Variants in PRDM16 observed in about 807,000 individuals in gnomAD.
PRDM16 encodes the protein histone-lysine N-methyltransferase PRDM16.
In PRDM16, 23 loss-of-function variants were observed where a neutral mutation model predicts 110.6. The ratio of observed to expected loss-of-function variants is 0.21; its 90% CI spans 0.15 to 0.29. PRDM16 has a LOEUF of 0.29. Among genes scored for constraint, PRDM16 ranks in the 10% least tolerant of loss-of-function variants. PRDM16 has a pLI of 1.00. For missense variants in PRDM16, 1,615 were observed against 1,794.3 expected (o/e 0.90, Z 1.81); for synonymous variants, 799 against 781.8 (o/e 1.02, Z -0.37).
chr1:3,370,823 A>G lies in PRDM16; in HGVS notation c.439-14329A>G, dbSNP rs951242092. ...CATCCACTCATTTATTAATCCATCCACCATCTATTCATCCATCCGTCCACC... is the reference window on the plus strand; with the variant it reads ...CATCCACTCATTTATTAATCCATCCGCCATCTATTCATCCATCCGTCCACC... On this transcript the variant is annotated intron_variant, in intron 3 of 16. Transcript: ENST00000270722. This position sits in a 1 kb window ranked among gnomAD's most constrained non-coding sequence, Gnocchi z 4.8. Among the ~76,000 whole-genome samples the G allele has an allele frequency of 2.6e-5, 4 of 151,966 alleles. No homozygotes were observed. The highest frequency in any genetic ancestry group is 5.9e-5 in the Non-Finnish European group (4 of 67,978).
intron 3 of PRDM16, among the ~76,000 whole-genome samples, chr1:3,364,483 C>G (rs888342690): frequency 6.6e-6 from 1 of 152,214 alleles, no homozygotes; most frequent in East Asian, 1.9e-4. Flanking sequence ...GACAAGCCCC[C>G]GGAGGATGGC....
intron 1 of PRDM16, among the ~76,000 whole-genome samples, chr1:3,153,784 GAAGCGTGGAACGCA>G (rs1331588436): frequency 6.6e-6 from 1 of 152,246 alleles, no homozygotes; most frequent in African/African-American, 2.4e-5. Context: ...GCACCATTGA[GAAGCGTGGAACGCA>G]AAGTAATATA....
intron 3 of PRDM16, among the ~76,000 whole-genome samples, chr1:3,313,805 G>C (rs1641525941): frequency 6.6e-6 from 1 of 152,208 alleles, no homozygotes; most frequent in Non-Finnish European, 1.5e-5. Context: ...CAGCCTAGAG[G>C]CCTCACTCCT....
At chr1:3,200,676 G>A (rs576788676) in intron 2 of PRDM16, among the ~76,000 whole-genome samples, 17 of 152,314 alleles carry the variant, frequency 1.1e-4, no homozygotes, top group African/African-American at 4.1e-4. Context: ...GGAGTCCTGC[G>A]TGGGATCTGA....
At chr1:3,386,770 G>A (rs1451475593) in intron 4 of PRDM16, 4 of 152,224 alleles carry the variant, frequency 2.6e-5, no homozygotes, top group Non-Finnish European at 5.9e-5. Context: ...TGCAGAGTGT[G>A]TCCTTAGTCG....
In PRDM16 at chr1:3,435,675, C is replaced by A; in HGVS notation, c.*1864C>A. The A allele has an allele frequency of 4.3e-6, 1 of 232,622 alleles. No homozygotes were observed. The highest frequency in any genetic ancestry group is 6.1e-5 in the East Asian group (1 of 16,506). 14.4% of individuals were successfully genotyped at this position (232,622 alleles called of 1,614,324 possible). On this transcript the variant is annotated 3_prime_UTR_variant, in exon 17 of 17. Transcript: ENST00000270722. ...GGTTTGTGTCACGTGTGGACATCTC[C>A]TCAGGCTTTGTGTCACGCGTGGACA... is the stretch of plus-strand genomic sequence containing the variant.
At chr1:3,223,886 C>T (rs1185654452) in intron 2 of PRDM16, among the ~76,000 whole-genome samples, 2 of 152,298 alleles carry the variant, frequency 1.3e-5, no homozygotes, top group African/African-American at 2.4e-5. Context: ...CTTTAAACAC[C>T]GTGAGCAGAT....
intron 3 of PRDM16, among the ~76,000 whole-genome samples, chr1:3,317,634 C>G (rs751605800): frequency 5.7e-4 from 87 of 152,372 alleles, no homozygotes; most frequent in Non-Finnish European, 9.6e-4. Context: ...GGCCTCTGAG[C>G]GGCCCTGGCC....
Position 3,245,701 on chromosome 1 carries a change from C to T in PRDM16, c.438+1564C>T, listed in dbSNP as rs183896413. ...AGGGCTGGTCTTTTCCACTTTCCCT[C>T]TTTCTCCTTTCCTGCCTCTTTAAAT... On this transcript the variant is annotated intron_variant, in intron 3 of 16. Coordinates refer to ENST00000270722, the MANE Select transcript of PRDM16 (RefSeq NM_022114.4). This position sits in a 1 kb window ranked among gnomAD's most constrained non-coding sequence, Gnocchi z 4.7. Among the ~76,000 whole-genome samples the T allele has an allele frequency of 7.2e-5, 11 of 151,950 alleles. No homozygotes were observed. The highest frequency in any genetic ancestry group is 6.5e-4 in the Admixed American group (10 of 15,270).
At position 3,221,541 on chromosome 1, in the gene PRDM16, G is replaced by A. The variant is rs114274969; in HGVS notation, c.388-22546G>A. On this transcript the variant is annotated intron_variant, in intron 2 of 16. Transcript: ENST00000270722. Reference sequence around the variant, plus strand: ...TAGTCAAAATAAAGCATTGCTGGTCGGGCCAGCAGTCACAGAGAAGTCTGG... The same window carrying A: ...TAGTCAAAATAAAGCATTGCTGGTCAGGCCAGCAGTCACAGAGAAGTCTGG... Among the ~76,000 whole-genome samples the A allele has an allele frequency of 4.2e-3, 634 of 152,314 alleles. 4 individuals are homozygous for A. The highest frequency in any genetic ancestry group is 7.3e-3 in the South Asian group (35 of 4,826).
intron 1 of PRDM16, among the ~76,000 whole-genome samples, chr1:3,139,303 G>T (rs905752274): frequency 6.6e-6 from 1 of 152,190 alleles, no homozygotes; most frequent in Admixed American, 6.5e-5. Flanking sequence ...TCCTGGAGCC[G>T]AGCCGTGCAG....
chr1:3,196,311 C>T (rs1638476048), intron 2 of PRDM16, among the ~76,000 whole-genome samples: 1 of 152,258 alleles, frequency 6.6e-6, no homozygotes, highest in Non-Finnish European at 1.5e-5. Context: ...CTGCAGGTCC[C>T]TGACCCAGCC....
chr1:3,375,337 A>G (rs1465134029), intron 3 of PRDM16, among the ~76,000 whole-genome samples: 2 of 152,212 alleles, frequency 1.3e-5, no homozygotes, highest in African/African-American at 2.4e-5. Flanking sequence ...CGCACTGCCA[A>G]TCACCTCTAG....
rs111922473 is a variant in PRDM16 at position 3,426,064 on chromosome 1, C to A, written c.3123C>A (p.Pro1041=). 1 of 1,613,414 alleles carries A rather than the reference C, an allele frequency of 6.2e-7. No homozygotes were observed. Among genetic ancestry groups the A allele is most frequent in the Admixed American group, 1.7e-5 (1 of 59,992 alleles). ...EHENAPVSQH[P]GVLTNHLGTS... is the part of the protein sequence containing the mutation. ...GCCCCTCCGCAGTGAGCCAGCACCC[C>A]GGGGTCCTCACGAACCACCTGGGGA... The change falls in exon 14 of 17, where the codon CCC becomes CCA. Residue 1041 remains proline (P), a synonymous_variant. Coordinates refer to ENST00000270722, the MANE Select transcript of PRDM16 (RefSeq NM_022114.4).
intron 4 of PRDM16, among the ~76,000 whole-genome samples, chr1:3,389,642 T>C (rs1488501726): frequency 6.6e-6 from 1 of 152,222 alleles, no homozygotes. Context: ...CTTGTGGTTT[T>C]CTATTTGCAC....
chr1:3,313,948 CAGTT>C (rs1355198538), intron 3 of PRDM16, among the ~76,000 whole-genome samples: 1 of 152,134 alleles, frequency 6.6e-6, no homozygotes, highest in East Asian at 1.9e-4. Context: ...GGGAAAACAT[CAGTT>C]GGTTGCAGAG....
At chr1:3,278,903 T>A (rs1640648557) in intron 3 of PRDM16, among the ~76,000 whole-genome samples, 1 of 152,198 alleles carries the variant, frequency 6.6e-6, no homozygotes. Flanking sequence ...CAGCGAGCCG[T>A]GGCCTCTCCC....
chr1:3,200,381 T>C (rs1390888136), intron 2 of PRDM16, among the ~76,000 whole-genome samples: 6 of 152,198 alleles, frequency 3.9e-5, no homozygotes, highest in Non-Finnish European at 7.4e-5. Context: ...CTTGCTCTGC[T>C]GCCCAGGCTG....
At chr1:3,151,356 A>G (rs1254117780) in intron 1 of PRDM16, among the ~76,000 whole-genome samples, 2 of 152,162 alleles carry the variant, frequency 1.3e-5, no homozygotes, top group Non-Finnish European at 2.9e-5. Context: ...AACACCCTAC[A>G]CTCAGTTCCT....
Sources: allele counts gnomAD v4.1 joint callset (sites outside exome capture counted in the v4.1 genomes callset), GRCh38; gene constraint gnomAD v4.1.1; non-coding constraint Gnocchi (gnomAD v3.1); transcripts MANE v1.5; gene names NCBI Gene and HGNC (gene_info 2026-07-23, HGNC 2026-07-21).